Variants in LRRC4C observed in about 807,000 individuals in gnomAD.
LRRC4C encodes leucine-rich repeat-containing protein 4C.
LRRC4C carries 5 observed loss-of-function variants against 33.6 expected under a neutral mutation model. That is an observed-to-expected ratio of 0.15 (90% CI 0.08 to 0.31). LRRC4C has a LOEUF of 0.31. Among genes scored for constraint, LRRC4C ranks in the 10% least tolerant of loss-of-function variants. LRRC4C has a pLI of 1.00. For synonymous variants in LRRC4C, 329 were observed against 302.0 expected (o/e 1.09, Z -0.93); for missense variants, 560 against 796.7 (o/e 0.70, Z 3.58).
chr11:40,392,415 G>T (rs2137460857), intron 3 of LRRC4C, among the ~76,000 whole-genome samples: 1 of 152,196 alleles, frequency 6.6e-6, no homozygotes, highest in South Asian at 2.1e-4. Flanking sequence ...TGTGTATATG[G>T]TATGGAAGGG....
intron 2 of LRRC4C, among the ~76,000 whole-genome samples, chr11:40,707,671 C>A (rs1011947571): frequency 3.3e-5 from 5 of 151,980 alleles, no homozygotes; most frequent in Admixed American, 2.0e-4. Flanking sequence ...CTAAAATTCT[C>A]TTTTTTTGTT....
intron 1 of LRRC4C, among the ~76,000 whole-genome samples, chr11:41,156,261 C>T (rs1310836646): frequency 5.9e-5 from 9 of 151,920 alleles, no homozygotes; most frequent in South Asian, 2.1e-4. Context: ...GGCAAACCCA[C>T]GATATTGACC....
intron 3 of LRRC4C, among the ~76,000 whole-genome samples, chr11:40,393,741 C>T (rs1949428992): frequency 1.3e-5 from 2 of 152,134 alleles, no homozygotes; most frequent in African/African-American, 4.8e-5. Context: ...ATGAATACTA[C>T]ATTGTATCTG....
intron 1 of LRRC4C, among the ~76,000 whole-genome samples, chr11:40,980,769 A>G (rs1026402965): frequency 6.6e-6 from 1 of 152,290 alleles, no homozygotes; most frequent in East Asian, 1.9e-4. Flanking sequence ...TTCATAAAAC[A>G]AGGGCTTATT....
At chr11:41,404,850 A>C (rs1954169554) in intron 1 of LRRC4C, among the ~76,000 whole-genome samples, 1 of 151,960 alleles carries the variant, frequency 6.6e-6, no homozygotes, top group Non-Finnish European at 1.5e-5. Context: ...CAAATATAGA[A>C]CTGGTAGTTT....
At chr11:40,887,259 TG>T (rs1488480152) in intron 2 of LRRC4C, among the ~76,000 whole-genome samples, 2 of 151,776 alleles carry the variant, frequency 1.3e-5, no homozygotes, top group African/African-American at 4.8e-5. Context: ...ATGAGACAAT[TG>T]GTATAGACAA....
intron 3 of LRRC4C, among the ~76,000 whole-genome samples, chr11:40,536,386 G>A (rs976193853): frequency 3.9e-5 from 6 of 152,086 alleles, no homozygotes; most frequent in Non-Finnish European, 8.8e-5. Context: ...TAGAGACGGG[G>A]TTTCACCATG....
chr11:40,749,219 T>C (rs578143779), intron 2 of LRRC4C, among the ~76,000 whole-genome samples: 1 of 152,248 alleles, frequency 6.6e-6, no homozygotes, highest in South Asian at 2.1e-4. Context: ...ACCAGAATGT[T>C]AGATCACAAA....
At chr11:41,207,448 A>G (rs1197824630) in intron 1 of LRRC4C, among the ~76,000 whole-genome samples, 1 of 152,190 alleles carries the variant, frequency 6.6e-6, no homozygotes, top group African/African-American at 2.4e-5. Flanking sequence ...TAACCCCTGA[A>G]GTGTTTATGG....
chr11:40,159,340 T>A (rs1590566945), intron 5 of LRRC4C, among the ~76,000 whole-genome samples: 2 of 152,266 alleles, frequency 1.3e-5, no homozygotes, highest in South Asian at 4.1e-4. Context: ...GATTAAGATG[T>A]GATACTCAAA....
intron 2 of LRRC4C, among the ~76,000 whole-genome samples, chr11:40,878,184 A>G (rs532511711): frequency 1.3e-5 from 2 of 152,090 alleles, no homozygotes; most frequent in African/African-American, 4.8e-5. Flanking sequence ...GTAGACTAAA[A>G]TAAGTGTCGG....
At chr11:41,383,974 C>T (rs1435778885) in intron 1 of LRRC4C, among the ~76,000 whole-genome samples, 1 of 151,904 alleles carries the variant, frequency 6.6e-6, no homozygotes, top group Non-Finnish European at 1.5e-5. Flanking sequence ...GTTTTGTGCC[C>T]TTTGACCCTA....
intron 2 of LRRC4C, among the ~76,000 whole-genome samples, chr11:40,797,623 T>C (rs1950886089): frequency 6.6e-6 from 1 of 152,152 alleles, no homozygotes; most frequent in Non-Finnish European, 1.5e-5. Flanking sequence ...CTCTACAAGA[T>C]GAGTAAAGGG....
At chr11:40,365,432 T>C (rs1415619882) in intron 3 of LRRC4C, among the ~76,000 whole-genome samples, 1 of 152,104 alleles carries the variant, frequency 6.6e-6, no homozygotes, top group Non-Finnish European at 1.5e-5. Context: ...ATTACTCATA[T>C]GTAAAAGAAA....
chr11:41,155,984 G>T lies in LRRC4C; in HGVS notation c.-495-222261C>A, dbSNP rs114397594. Among the ~76,000 whole-genome samples the T allele has an allele frequency of 2.7e-3, 409 of 152,174 alleles. 1 individual carries two copies. Among genetic ancestry groups the T allele is most frequent in the African/African-American group, 8.1e-3 (337 of 41,530 alleles). ...TGACTCAAAGACTGAGAAAAGCAAG[G>T]TTCTGAGTCAGAGGAAGGATTTTAG... is the stretch of plus-strand genomic sequence containing the variant. On this transcript the variant is annotated intron_variant, in intron 1 of 6. Transcript: ENST00000528697.
At chr11:40,628,477 C>CAAAAAAACAA (rs1480146331) in intron 3 of LRRC4C, among the ~76,000 whole-genome samples, 1 of 124,870 alleles carries the variant, frequency 8.0e-6, no homozygotes, top group Non-Finnish European at 1.9e-5. Context: ...GACTCCATCT[C>CAAAAAAACAA]AAAAAAACAA....
rs72896657 is a variant in LRRC4C, at chr11:40,716,884, A to T, written c.-406-68606T>A. Among the ~76,000 whole-genome samples the T allele has an allele frequency of 7.6e-3, 1,159 of 152,222 alleles. 8 individuals are homozygous for T. Among genetic ancestry groups the T allele is most frequent in the Non-Finnish European group, 0.011 (724 of 67,992 alleles). ...GGAGGTGACCATTAGAATAAGAATG[A>T]GGATTCTGAAGCTTGGCTGTGTCTG... On this transcript the variant is annotated intron_variant, in intron 2 of 6. Transcript: ENST00000528697.
At chr11:41,353,550 C>T (rs1952055351) in intron 1 of LRRC4C, among the ~76,000 whole-genome samples, 1 of 151,994 alleles carries the variant, frequency 6.6e-6, no homozygotes, top group Non-Finnish European at 1.5e-5. Flanking sequence ...GATGCCAAAA[C>T]CTGGAAGTGA....
intron 4 of LRRC4C, among the ~76,000 whole-genome samples, chr11:40,313,380 A>G (rs1016422713): frequency 6.6e-5 from 10 of 151,934 alleles, no homozygotes; most frequent in Non-Finnish European, 1.2e-4. Flanking sequence ...TAATTCACAT[A>G]TCTATAGCCA....
Sources: allele counts gnomAD v4.1 joint callset (sites outside exome capture counted in the v4.1 genomes callset), GRCh38; gene constraint gnomAD v4.1.1; transcripts MANE v1.5; gene names NCBI Gene and HGNC (gene_info 2026-07-23, HGNC 2026-07-21).